Variants in DMD observed in about 807,000 individuals in gnomAD.
The protein encoded by DMD is dystrophin.
A neutral mutation model predicts 330.1 loss-of-function variants in DMD; 63 were observed. The observed-to-expected ratio is 0.19, with a 90% CI of 0.16 to 0.24. The LOEUF is 0.24. Among genes scored for constraint, DMD ranks in the 10% least tolerant of loss-of-function variants. DMD has a pLI of 1.00. For missense variants in DMD, 3,344 were observed against 2,684.1 expected, an observed-to-expected ratio of 1.25 and a Z score of -5.43; for synonymous variants, 1,223 against 959.8, an observed-to-expected ratio of 1.27 and a Z score of -5.07.
intron 5 of DMD, among the ~76,000 whole-genome samples, chrX:32,821,955 A>C (rs2078296530): frequency 9.0e-6 from 1 of 111,726 alleles, no homozygotes; most frequent in Non-Finnish European, 1.9e-5. Context: ...CCCTCAAAAT[A>C]GTTTGAGAGG....
rs767380355 is a variant in DMD at position 31,881,532 on chromosome X, G to A, written c.6913-6159C>T. Among the ~76,000 whole-genome samples the A allele has an allele frequency of 6.3e-5, 7 of 111,809 alleles. No individual in the cohort carries two copies. The East Asian group carries it at 1.4e-3, about 22-fold the overall frequency. On this transcript the variant is annotated intron_variant, in intron 47 of 78. Transcript: ENST00000357033. ...TGCTCACCACTACCACTCACTCACCGACTCACCCAGAGCAACTTTGAGTCC... is the reference window on the plus strand; with the variant it reads ...TGCTCACCACTACCACTCACTCACCAACTCACCCAGAGCAACTTTGAGTCC...
At chrX:32,995,958 G>A (rs2093108112) in intron 2 of DMD, among the ~76,000 whole-genome samples, 1 of 111,955 alleles carries the variant, frequency 8.9e-6, no homozygotes, top group African/African-American at 3.2e-5. Flanking sequence ...GGTTTCTTAT[G>A]TGGTCAGTGC....
intron 51 of DMD, among the ~76,000 whole-genome samples, chrX:31,730,176 G>C (rs2086396130): frequency 8.9e-6 from 1 of 111,782 alleles, no homozygotes; most frequent in Non-Finnish European, 1.9e-5. Flanking sequence ...ACCGATTTAA[G>C]AGATATTACT....
chrX:32,282,625 G>GCTCA (rs1414133611), intron 43 of DMD, among the ~76,000 whole-genome samples: 2 of 112,051 alleles, frequency 1.8e-5, no homozygotes, highest in African/African-American at 6.5e-5. Context: ...AAGCAGGTAT[G>GCTCA]TTAGATAATG....
rs112757796 is a variant in DMD, at chrX:33,079,038, A to ATT, written c.32-58840_32-58839dup. ...ACATTTTACAGCTGGTATTAAAACCATTTTTTTTTGAGACAGAGTTTCTCT... is the reference window on the plus strand; with the variant it reads ...ACATTTTACAGCTGGTATTAAAACCATTTTTTTTTTTGAGACAGAGTTTCTCT... On this transcript the variant is annotated intron_variant, in intron 1 of 78. Transcript: ENST00000357033. Among the ~76,000 whole-genome samples the ATT allele has an allele frequency of 1.3e-4, 14 of 109,203 alleles. No individual in the cohort carries two copies. In the East Asian group the frequency reaches 3.7e-3, roughly 29 times the overall value. The allele number at this position is 109,203 out of a possible 115,157, so 94.8% of individuals were successfully genotyped here. A position where few individuals can be genotyped will look rare whatever the true frequency, so the allele number is the denominator to read the frequency against.
chrX:32,336,002 A>AC (rs1162218312), intron 41 of DMD, among the ~76,000 whole-genome samples: 125 of 37,670 alleles, frequency 3.3e-3, no homozygotes, highest in African/African-American at 8.1e-3. Context: ...GTGTATATAT[A>AC]ACGTTATATA....
intron 50 of DMD, among the ~76,000 whole-genome samples, chrX:31,815,487 C>A (rs1213147154): frequency 9.1e-6 from 1 of 109,938 alleles, no homozygotes; most frequent in Non-Finnish European, 1.9e-5. Context: ...GGTCTCACCC[C>A]AGAGCTAGTA....
intron 62 of DMD, among the ~76,000 whole-genome samples, chrX:31,284,596 CTTCTTCTTCTTT>C (rs1414772726): frequency 3.7e-5 from 3 of 81,911 alleles, no homozygotes; most frequent in Non-Finnish European, 7.6e-5. Context: ...TCTTCTTCTT[CTTCTTCTTCTTT>C]TTTTTGGCAG....
At chrX:32,501,244 G>T (rs2044023066) in intron 19 of DMD, among the ~76,000 whole-genome samples, 1 of 111,559 alleles carries the variant, frequency 9.0e-6, no homozygotes, top group Non-Finnish European at 1.9e-5. Flanking sequence ...TAAAAGTAAA[G>T]GTTATCCCGA....
intron 55 of DMD, among the ~76,000 whole-genome samples, chrX:31,529,181 C>A (rs1472070522): frequency 9.5e-6 from 1 of 105,615 alleles, no homozygotes; most frequent in Non-Finnish European, 1.9e-5. Context: ...GAGATCGCAC[C>A]ACTGCACTGC....
At chrX:32,404,479 C>G (rs1284323786) in intron 30 of DMD, among the ~76,000 whole-genome samples, 1 of 111,253 alleles carries the variant, frequency 9.0e-6, no homozygotes, top group Non-Finnish European at 1.9e-5. Flanking sequence ...GATCAGAATT[C>G]TTTGGGAAAA....
intron 50 of DMD, among the ~76,000 whole-genome samples, chrX:31,792,652 T>C (rs1220979494): frequency 8.9e-6 from 1 of 111,974 alleles, no homozygotes; most frequent in Non-Finnish European, 1.9e-5. Flanking sequence ...GGGTGCCTTA[T>C]TTACTTAGCC....
chrX:32,625,299 G>A lies in DMD; in HGVS notation c.1332-10846C>T, dbSNP rs145022206. On this transcript the variant is annotated intron_variant, in intron 11 of 78. Coordinates refer to ENST00000357033, the MANE Select transcript of DMD (RefSeq NM_004006.3). ...TACATATATAATGGACACTAGTCAG[G>A]TGGGAATAATGAACACTTGAAATAT... 3.5e-3 allele frequency among the ~76,000 whole-genome samples: 388 copies of A among 112,095 alleles called. 8 individuals carry two copies. Among genetic ancestry groups the A allele is most frequent in the Admixed American group, 0.025 (265 of 10,566 alleles).
intron 55 of DMD, among the ~76,000 whole-genome samples, chrX:31,618,662 G>A (rs954997312): frequency 6.3e-5 from 7 of 111,687 alleles, no homozygotes; most frequent in African/African-American, 2.3e-4. Flanking sequence ...TCAAACTTAG[G>A]TTCAAATGCT....
chrX:31,126,759 T>G (rs1306181159), intron 77 of DMD, 86 bp from the exon 78 acceptor site: 15 of 678,324 alleles, frequency 2.2e-5, no homozygotes, highest in African/African-American at 6.7e-5. Context: ...CCAATTTGCT[T>G]CTTTTACCAA....
At chrX:32,603,839 A>G in intron 12 of DMD, among the ~76,000 whole-genome samples, 1 of 111,355 alleles carries the variant, frequency 9.0e-6, no homozygotes, top group African/African-American at 3.3e-5. Flanking sequence ...AATAACAAAT[A>G]GTGAAACTGA....
At chrX:32,859,019 C>A (rs1171636457) in intron 2 of DMD, among the ~76,000 whole-genome samples, 2 of 111,479 alleles carry the variant, frequency 1.8e-5, no homozygotes, top group African/African-American at 6.5e-5. Context: ...CAAATTATTA[C>A]TCCAGAGCAC....
intron 25 of DMD, among the ~76,000 whole-genome samples, chrX:32,459,546 T>C (rs1312877146): frequency 9.0e-6 from 1 of 111,291 alleles, no homozygotes; most frequent in African/African-American, 3.3e-5. Context: ...ACATGTCTGA[T>C]TGTCTTTTTC....
At chrX:33,330,135 A>G (rs1201666641) in intron 1 of DMD, among the ~76,000 whole-genome samples, 4 of 110,990 alleles carry the variant, frequency 3.6e-5, no homozygotes, top group African/African-American at 1.3e-4. Context: ...GAGGAGAGAG[A>G]GAGACTTTTT....
Sources: gnomAD v4.1 joint callset for allele counts (sites outside exome capture counted in the v4.1 genomes callset) on GRCh38, gnomAD v4.1.1 for gene constraint, MANE v1.5 for transcripts, NCBI Gene and HGNC (gene_info 2026-07-23, HGNC 2026-07-21) for gene names.